Variants in SETDB2 observed in about 807,000 individuals in gnomAD.
SETDB2 encodes the protein histone-lysine N-methyltransferase SETDB2.
In SETDB2, 56 loss-of-function variants were observed where a neutral mutation model predicts 82.5. The observed-to-expected ratio is 0.68, with a 90% CI of 0.55 to 0.85. SETDB2 has a LOEUF of 0.85. Ranked by LOEUF, SETDB2 falls within the 40% of genes least tolerant of loss-of-function variation. The pLI, the probability that SETDB2 is intolerant of heterozygous loss-of-function variation, is 0.00. For synonymous variants in SETDB2, 272 were observed against 284.9 expected, an observed-to-expected ratio of 0.95 and a Z score of 0.46; for missense variants, 677 against 816.4, an observed-to-expected ratio of 0.83 and a Z score of 2.08.
At chr13:49,464,169 A>G (rs1159501430) in intron 4 of SETDB2, 6 of 705,016 alleles carry the variant, frequency 8.5e-6, no homozygotes, top group Non-Finnish European at 1.6e-5. Flanking sequence ...AGAATAAGTG[A>G]AAGATTTGTA....
At position 49,488,638 on chromosome 13, in the gene SETDB2, T is replaced by A; in HGVS notation, c.1917+8T>A. 1 of 1,559,692 alleles carries A rather than the reference T, an allele frequency of 6.4e-7. No individual in the cohort carries two copies. Among genetic ancestry groups the A allele is most frequent in the Non-Finnish European group, 8.6e-7 (1 of 1,156,162 alleles). On this transcript the variant is annotated splice_region_variant and intron_variant, in intron 12 of 13. Transcript: ENST00000611815. ...GTCGGCCGCTTCCTTAATGTGAGTA[T>A]AAGGGCTGAGATTCCTATTTCTGAA...
chr13:49,445,418 C>A (rs1482013587), intron 1 of SETDB2: 1 of 152,096 alleles, frequency 6.6e-6, no homozygotes, highest in East Asian at 1.9e-4. Context: ...AATTATTTTT[C>A]TACCAAAATG....
At chr13:49,454,442 C>G (rs1957841736) in intron 2 of SETDB2, among the ~76,000 whole-genome samples, 1 of 151,994 alleles carries the variant, frequency 6.6e-6, no homozygotes, top group Non-Finnish European at 1.5e-5. Flanking sequence ...AATTTTAACC[C>G]ATCCCCAGGT....
chr13:49,457,958 C>T (rs1957923510), intron 2 of SETDB2, among the ~76,000 whole-genome samples: 1 of 152,144 alleles, frequency 6.6e-6, no homozygotes, highest in African/African-American at 2.4e-5. Flanking sequence ...GGTATTGACT[C>T]ATATCTGTGA....
intron 2 of SETDB2, among the ~76,000 whole-genome samples, chr13:49,453,983 CTCTAA>C (rs1289806654): frequency 6.6e-6 from 1 of 152,064 alleles, no homozygotes; most frequent in African/African-American, 2.4e-5. Flanking sequence ...ATGTTTCCAA[CTCTAA>C]TCTATTACCA....
At chr13:49,452,224 G>C (rs1957800150) in intron 2 of SETDB2, among the ~76,000 whole-genome samples, 2 of 151,690 alleles carry the variant, frequency 1.3e-5, no homozygotes, top group Admixed American at 1.3e-4. Context: ...CGATTCTCCT[G>C]CCACAGCCTC....
At position 49,476,588 on chromosome 13, in the gene SETDB2, C is replaced by T; in HGVS notation, c.418C>T (p.Leu140=). The change falls in exon 6 of 14, where the codon CTG becomes TTG. Residue 140 remains leucine, a synonymous_variant. Transcript: ENST00000611815. Reference sequence around the variant, plus strand: ...AAGTCATGACTGCTCTGGTGCTTGTCTGATGAAAATGCCACTGAACTTGAA... The same window carrying T: ...AAGTCATGACTGCTCTGGTGCTTGTTTGATGAAAATGCCACTGAACTTGAA... The part of the protein sequence containing the change: ...YQSHDCSGAC[L]MKMPLNLKGE... 1 of 1,614,156 alleles carries T rather than the reference C, an allele frequency of 6.2e-7. No individual in the cohort carries two copies. Among genetic ancestry groups the T allele is most frequent in the Non-Finnish European group, 8.5e-7 (1 of 1,180,018 alleles).
chr13:49,446,363 A>G (rs1395961708), intron 1 of SETDB2: 5 of 456,296 alleles, frequency 1.1e-5, no homozygotes, highest in East Asian at 1.4e-4. Flanking sequence ...TTCGTATATG[A>G]TAAAAATTCT....
intron 2 of SETDB2, among the ~76,000 whole-genome samples, chr13:49,457,686 T>A (rs1360135312): frequency 6.6e-6 from 1 of 152,118 alleles, no homozygotes; most frequent in Non-Finnish European, 1.5e-5. Flanking sequence ...TCTGCCTGCC[T>A]CAGCCTCCCA....
chr13:49,453,401 A>T (rs1338785310), intron 2 of SETDB2, among the ~76,000 whole-genome samples: 1 of 151,678 alleles, frequency 6.6e-6, no homozygotes, highest in Non-Finnish European at 1.5e-5. Context: ...GGTTCAAGCA[A>T]TTCTCTTGCC....
rs1594138949 is a variant in SETDB2, at chr13:49,459,867, GTCACTAAAATTT to G, written c.17-236_17-225del. ...CCTTCTGTTTTCTAGTCAAGAAAGT[GTCACTAAAATTT>G]TCAATATATATTTTAAAAATTAACA... On this transcript the variant is annotated intron_variant, in intron 2 of 13. Transcript: ENST00000611815. The G allele has an allele frequency of 4.2e-5, 14 of 336,768 alleles. No homozygotes were observed. In the East Asian group the frequency reaches 8.8e-4, roughly 21 times the overall value. The allele number at this position is 336,768 out of a possible 1,614,324, so 20.9% of individuals were successfully genotyped here.
At chr13:49,457,400 A>AG (rs35097626) in intron 2 of SETDB2, among the ~76,000 whole-genome samples, 108,882 of 138,528 alleles carry the variant, frequency 0.79, 43,750 homozygotes, top group African/African-American at 0.93. Flanking sequence ...ATTTCCTACC[A>AG]AATAATTTAG....
chr13:49,463,388 T>C (rs1415055773), intron 4 of SETDB2, among the ~76,000 whole-genome samples: 4 of 152,180 alleles, frequency 2.6e-5, no homozygotes, highest in African/African-American at 9.7e-5. Context: ...CAGGAGGATC[T>C]TTATTGAGTG....
At chr13:49,459,334 A>G (rs1403267997) in intron 2 of SETDB2, among the ~76,000 whole-genome samples, 3 of 152,144 alleles carry the variant, frequency 2.0e-5, no homozygotes, top group Non-Finnish European at 4.4e-5. Context: ...CTACTCATTA[A>G]TCCTCCCTGT....
intron 7 of SETDB2, 47 bp downstream of exon 7, chr13:49,480,382 G>A: frequency 1.7e-6 from 2 of 1,203,102 alleles, no homozygotes; most frequent in East Asian, 2.5e-5. Flanking sequence ...ATCTTTGAAG[G>A]TGGGTACTTT....
intron 5 of SETDB2, among the ~76,000 whole-genome samples, chr13:49,470,937 TG>T (rs1220437372): frequency 6.9e-6 from 1 of 144,174 alleles, no homozygotes; most frequent in Non-Finnish European, 1.5e-5. Flanking sequence ...TGTTTTTTTG[TG>T]GGGTTTTTTT....
chr13:49,461,199 T>G (rs1038212938), intron 4 of SETDB2, 37 bp downstream of exon 4: 4 of 1,433,786 alleles, frequency 2.8e-6, no homozygotes, highest in Non-Finnish European at 1.9e-6. Context: ...GAGTATTCTC[T>G]GATATTTTCT....
chr13:49,448,238 T>G (rs1957728340), intron 1 of SETDB2, among the ~76,000 whole-genome samples: 1 of 152,162 alleles, frequency 6.6e-6, no homozygotes, highest in Non-Finnish European at 1.5e-5. Flanking sequence ...TCCTAGAAAA[T>G]TGTTCAGTTC....
At chr13:49,452,988 T>A (rs1482623785) in intron 2 of SETDB2, among the ~76,000 whole-genome samples, 1 of 152,156 alleles carries the variant, frequency 6.6e-6, no homozygotes, top group Non-Finnish European at 1.5e-5. Context: ...TTACTCTTTT[T>A]CTCCCATTCC....
Sources: allele counts gnomAD v4.1 joint callset (sites outside exome capture counted in the v4.1 genomes callset), GRCh38; gene constraint gnomAD v4.1.1; transcripts MANE v1.5; gene names NCBI Gene and HGNC (gene_info 2026-07-23, HGNC 2026-07-21).